Variants in PTPRM observed in about 807,000 individuals in gnomAD.
PTPRM encodes receptor-type tyrosine-protein phosphatase mu.
A neutral mutation model predicts 186.7 loss-of-function variants in PTPRM; 47 were observed. That is an observed-to-expected ratio of 0.25 (90% CI 0.20 to 0.32). The LOEUF (loss-of-function observed/expected upper bound fraction) is 0.32, where lower values mean the gene tolerates loss of function less well. Among genes scored for constraint, PTPRM ranks in the 10% least tolerant of loss-of-function variants. The probability of loss-of-function intolerance (pLI) is 1.00; values close to 1 mark genes in which losing one functional copy is unlikely to be tolerated. For synonymous variants in PTPRM, 668 were observed against 674.9 expected (o/e 0.99, Z 0.16); for missense variants, 1,494 against 1,865.0 (o/e 0.80, Z 3.66).
intron 11 of PTPRM, among the ~76,000 whole-genome samples, chr18:8,108,453 T>C (rs2091618739): frequency 6.6e-6 from 1 of 152,122 alleles, no homozygotes. Flanking sequence ...ATACGATAAA[T>C]GGATAACAAA....
chr18:8,304,308 T>TG (rs1289683316), intron 20 of PTPRM, among the ~76,000 whole-genome samples: 1 of 152,162 alleles, frequency 6.6e-6, no homozygotes, highest in African/African-American at 2.4e-5. Context: ...AGACTTAGGG[T>TG]GGGGCATAGA....
chr18:8,220,645 A>G (rs184243990), intron 14 of PTPRM, among the ~76,000 whole-genome samples: 130 of 152,328 alleles, frequency 8.5e-4, no homozygotes, highest in Admixed American at 1.1e-3. Flanking sequence ...TTCCTCCTGA[A>G]TAAGACTCCT....
chr18:8,229,535 TC>T lies in PTPRM; in HGVS notation c.2301-14522del, dbSNP rs750733065. 3.9e-5 allele frequency among the ~76,000 whole-genome samples: 6 copies of T among 152,196 alleles called. No individual in the cohort carries two copies. The East Asian group carries it at 1.2e-3, about 29-fold the overall frequency. On this transcript the variant is annotated intron_variant, in intron 14 of 32. Coordinates refer to ENST00000580170, the MANE Select transcript of PTPRM (RefSeq NM_001105244.2). ...ATAAGGATATTGGGTGTATTTTTTA[TC>T]TCACATGTTGGTTTAGCATATGATT...
At chr18:7,884,076 G>T (rs555041925) in intron 2 of PTPRM, among the ~76,000 whole-genome samples, 1 of 152,282 alleles carries the variant, frequency 6.6e-6, no homozygotes, top group East Asian at 1.9e-4. Context: ...GAGCCCAGGA[G>T]GTCGAGGCTG....
At chr18:7,985,111 A>G (rs556817127) in intron 7 of PTPRM, among the ~76,000 whole-genome samples, 149 of 130,752 alleles carry the variant, frequency 1.1e-3, no homozygotes, top group African/African-American at 4.0e-3. Flanking sequence ...ATATACATAT[A>G]ATTGTATATA....
At chr18:8,337,542 A>G (rs12456630) in intron 22 of PTPRM, among the ~76,000 whole-genome samples, 45,073 of 152,184 alleles carry the variant, frequency 0.3, 7,484 homozygotes, top group Middle Eastern at 0.52. Flanking sequence ...CACTGGGGCC[A>G]GGACAGTGGT....
At chr18:7,649,167 T>G (rs1336013681) in intron 1 of PTPRM, among the ~76,000 whole-genome samples, 1 of 152,194 alleles carries the variant, frequency 6.6e-6, no homozygotes, top group Non-Finnish European at 1.5e-5. Flanking sequence ...GTTTACAGTA[T>G]GGCTTACTGA....
chr18:8,351,787 G>A (rs1017677223), intron 23 of PTPRM, among the ~76,000 whole-genome samples: 16 of 152,158 alleles, frequency 1.1e-4, no homozygotes, highest in East Asian at 3.8e-4. Context: ...CAGGCTTCAC[G>A]CCACTACCCC....
chr18:8,273,912 A>G (rs1419043450), intron 19 of PTPRM, among the ~76,000 whole-genome samples: 1 of 152,130 alleles, frequency 6.6e-6, no homozygotes, highest in African/African-American at 2.4e-5. Context: ...TCCTCTAAAC[A>G]TTAGTTCTGA....
chr18:7,837,411 C>G (rs2046104001), intron 2 of PTPRM, among the ~76,000 whole-genome samples: 1 of 152,036 alleles, frequency 6.6e-6, no homozygotes, highest in Non-Finnish European at 1.5e-5. Flanking sequence ...ATTCTGAATT[C>G]CTTCTCTGTG....
At chr18:7,789,013 G>T (rs941863528) in intron 2 of PTPRM, among the ~76,000 whole-genome samples, 4 of 151,944 alleles carry the variant, frequency 2.6e-5, no homozygotes, top group Non-Finnish European at 2.9e-5. Context: ...AGCTGTTATT[G>T]TATCCTACCA....
At chr18:8,216,579 T>C (rs868028206) in intron 14 of PTPRM, among the ~76,000 whole-genome samples, 1 of 152,242 alleles carries the variant, frequency 6.6e-6, no homozygotes, top group African/African-American at 2.4e-5. Flanking sequence ...TTATTTTTGA[T>C]CATTTTTCCT....
intron 11 of PTPRM, among the ~76,000 whole-genome samples, chr18:8,111,953 C>A (rs1046211782): frequency 2.3e-4 from 35 of 152,122 alleles, no homozygotes; most frequent in Non-Finnish European, 4.6e-4. Flanking sequence ...AGACTTCTTT[C>A]ACCGCTGTCA....
Position 7,837,547 on chromosome 18 carries a change from G to A in PTPRM, c.197-50559G>A, listed in dbSNP as rs554662030. ...TCAGCTCACTGCAGCCTCCACCTCC[G>A]AGGTTCAAGTGATTCTCTTGCCTCA... On this transcript the variant is annotated intron_variant, in intron 2 of 32. Transcript: ENST00000580170. Among the ~76,000 whole-genome samples, 91 of 151,950 alleles carry A rather than the reference G, an allele frequency of 6.0e-4. No individual in the cohort carries two copies. In the Middle Eastern group the frequency reaches 0.01, roughly 17 times the overall value.
intron 13 of PTPRM, among the ~76,000 whole-genome samples, chr18:8,129,312 A>G (rs2092447129): frequency 2.6e-5 from 4 of 152,342 alleles, no homozygotes; most frequent in Non-Finnish European, 1.5e-5. Context: ...AGTATTTATC[A>G]AAGCTGAATA....
intron 1 of PTPRM, among the ~76,000 whole-genome samples, chr18:7,600,271 A>G (rs1311039450): frequency 1.3e-5 from 2 of 152,234 alleles, no homozygotes; most frequent in African/African-American, 4.8e-5. Context: ...GGCTGAGAAC[A>G]GTGACTGTCA....
In PTPRM at chr18:7,728,747, G is replaced by A. The variant is rs1414038137; in HGVS notation, c.74-45402G>A. Reference sequence around the variant, plus strand: ...TCCCTATCTGCCTAGGCATTTGTCTGCCTCCTGCCTCTATCAGCAGCATTT... The same window carrying A: ...TCCCTATCTGCCTAGGCATTTGTCTACCTCCTGCCTCTATCAGCAGCATTT... On this transcript the variant is annotated intron_variant, in intron 1 of 32. Coordinates refer to ENST00000580170, the MANE Select transcript of PTPRM (RefSeq NM_001105244.2). 5.9e-5 allele frequency among the ~76,000 whole-genome samples: 9 copies of A among 152,136 alleles called. No individual in the cohort carries two copies. The East Asian group carries it at 1.7e-3, about 29-fold the overall frequency.
rs886243033 is a variant in PTPRM at position 7,796,735 on chromosome 18, G to T, written c.196+22464G>T. On this transcript the variant is annotated intron_variant, in intron 2 of 32. Coordinates refer to ENST00000580170, the MANE Select transcript of PTPRM (RefSeq NM_001105244.2). ...TGGGTTCAGATTCACCCCCACACCC[G>T]TATCGCCATAACACAATGCTTTACA... is the stretch of plus-strand genomic sequence containing the variant. 1.8e-4 allele frequency among the ~76,000 whole-genome samples: 28 copies of T among 152,262 alleles called. 1 individual carries two copies. In the East Asian group the frequency reaches 5.2e-3, roughly 28 times the overall value.
chr18:7,701,746 A>G (rs1226559899), intron 1 of PTPRM, among the ~76,000 whole-genome samples: 1 of 152,160 alleles, frequency 6.6e-6, no homozygotes, highest in East Asian at 1.9e-4. Flanking sequence ...TCTAGGGTAC[A>G]TGTGCAGAAC....
Sources: gnomAD v4.1 joint callset for allele counts (sites outside exome capture counted in the v4.1 genomes callset) on GRCh38, gnomAD v4.1.1 for gene constraint, MANE v1.5 for transcripts, NCBI Gene and HGNC (gene_info 2026-07-23, HGNC 2026-07-21) for gene names.